The following SPOCK3 variants were observed in gnomAD, a reference collection of about 807,000 sequenced individuals.
SPOCK3 encodes the protein testican-3.
In SPOCK3, 30 loss-of-function variants were observed where a neutral mutation model predicts 56.6. The ratio of observed to expected loss-of-function variants is 0.53; its 90% CI spans 0.40 to 0.72. SPOCK3 has a LOEUF of 0.72. Ranked by LOEUF, SPOCK3 falls within the 30% of genes least tolerant of loss-of-function variation. The pLI is 0.00. For missense variants in SPOCK3, 527 were observed against 530.0 expected (o/e 0.99, Z 0.06); for synonymous variants, 196 against 183.3 (o/e 1.07, Z -0.56).
intron 6 of SPOCK3, among the ~76,000 whole-genome samples, chr4:166,826,960 C>A (rs960075363): frequency 1.3e-5 from 2 of 151,890 alleles, no homozygotes; most frequent in East Asian, 2.0e-4. Flanking sequence ...TAATTAGAGA[C>A]CTTCTTAAAA....
chr4:167,206,462 T>C (rs1734343983), intron 2 of SPOCK3, among the ~76,000 whole-genome samples: 1 of 152,056 alleles, frequency 6.6e-6, no homozygotes, highest in Non-Finnish European at 1.5e-5. Flanking sequence ...TCTTATTAAA[T>C]GACAGCTGAT....
chr4:167,217,861 G>T (rs753028245), intron 2 of SPOCK3, among the ~76,000 whole-genome samples: 1 of 151,072 alleles, frequency 6.6e-6, no homozygotes, highest in Non-Finnish European at 1.5e-5. Flanking sequence ...AATTACTATG[G>T]ATTTTTTATT....
At chr4:167,193,486 C>G (rs1732651512) in intron 2 of SPOCK3, among the ~76,000 whole-genome samples, 1 of 145,678 alleles carries the variant, frequency 6.9e-6, no homozygotes, top group Non-Finnish European at 1.5e-5. Flanking sequence ...AATAAATTAT[C>G]ATAGCTATAG....
At chr4:166,794,210 CAAAAAAAAAAAA>C (rs10710162) in intron 6 of SPOCK3, among the ~76,000 whole-genome samples, 1 of 73,612 alleles carries the variant, frequency 1.4e-5, no homozygotes, top group African/African-American at 5.4e-5. Flanking sequence ...GGTGATAAGG[CAAAAAAAAAAAA>C]AAAAAAAAAA....
At chr4:167,144,397 G>A (rs1286013394) in intron 2 of SPOCK3, among the ~76,000 whole-genome samples, 1 of 151,624 alleles carries the variant, frequency 6.6e-6, no homozygotes, top group Non-Finnish European at 1.5e-5. Flanking sequence ...ATAATTTCAA[G>A]TGCTTAATGT....
chr4:166,971,335 G>A (rs1029625391), intron 4 of SPOCK3, among the ~76,000 whole-genome samples: 2 of 152,066 alleles, frequency 1.3e-5, no homozygotes, highest in African/African-American at 4.8e-5. Context: ...GAGAACAGAG[G>A]TGCTTTTTTT....
intron 2 of SPOCK3, among the ~76,000 whole-genome samples, chr4:167,065,062 T>TAAAAAAAAAAAAAAAAAAA (rs74281519): frequency 1.6e-4 from 9 of 56,864 alleles, no homozygotes; most frequent in African/African-American, 4.9e-4. Flanking sequence ...AAAAAAAAAG[T>TAAAAAAAAAAAAAAAAAAA]CAAACGCAGC....
intron 4 of SPOCK3, among the ~76,000 whole-genome samples, chr4:166,974,880 T>G (rs955354466): frequency 6.6e-6 from 1 of 152,254 alleles, no homozygotes; most frequent in East Asian, 1.9e-4. Flanking sequence ...TAATCTCGAA[T>G]GTAACATTAT....
intron 2 of SPOCK3, among the ~76,000 whole-genome samples, chr4:167,171,814 T>C (rs1427115567): frequency 6.6e-6 from 1 of 152,016 alleles, no homozygotes. Flanking sequence ...CATCTATTTA[T>C]ATTCTCTTGT....
chr4:167,109,842 G>A (rs1760744722), intron 2 of SPOCK3, among the ~76,000 whole-genome samples: 1 of 151,524 alleles, frequency 6.6e-6, no homozygotes, highest in African/African-American at 2.4e-5. Flanking sequence ...AAACCAAATA[G>A]TATACTCCAT....
At chr4:166,789,697 T>TAATA (rs1741131595) in intron 7 of SPOCK3, among the ~76,000 whole-genome samples, 1 of 152,178 alleles carries the variant, frequency 6.6e-6, no homozygotes. Flanking sequence ...AATTCACTAC[T>TAATA]AATAAATAAA....
At chr4:167,048,943 A>T (rs1441391521) in intron 3 of SPOCK3, among the ~76,000 whole-genome samples, 1 of 152,188 alleles carries the variant, frequency 6.6e-6, no homozygotes, top group African/African-American at 2.4e-5. Context: ...GTTGAACCAT[A>T]AAAAGATAAT....
chr4:167,120,012 T>C (rs1761736636), intron 2 of SPOCK3: 2 of 567,240 alleles, frequency 3.5e-6, no homozygotes, highest in Non-Finnish European at 6.1e-6. Flanking sequence ...TAAAGCAGTG[T>C]ATCTCTTAAA....
intron 6 of SPOCK3, 141 bp from the exon 7 acceptor site, chr4:166,792,430 A>T (rs1741457620): frequency 1.4e-6 from 1 of 740,664 alleles, no homozygotes; most frequent in African/African-American, 1.8e-5. Context: ...TTTCAAAGTT[A>T]AATATATGCC....
intron 7 of SPOCK3, among the ~76,000 whole-genome samples, chr4:166,765,817 G>A (rs1737949718): frequency 6.6e-6 from 1 of 152,220 alleles, no homozygotes; most frequent in Admixed American, 6.5e-5. Context: ...TCCTATCCAT[G>A]AGCATGGAAT....
intron 3 of SPOCK3, among the ~76,000 whole-genome samples, chr4:167,058,307 G>A (rs1476621722): frequency 6.6e-6 from 1 of 152,056 alleles, no homozygotes; most frequent in African/African-American, 2.4e-5. Context: ...CAAAGTCTCA[G>A]GATACAAAAT....
intron 2 of SPOCK3, among the ~76,000 whole-genome samples, chr4:167,140,711 T>G (rs1763459139): frequency 6.6e-6 from 1 of 151,970 alleles, no homozygotes; most frequent in Non-Finnish European, 1.5e-5. Context: ...ACAGTGAAGC[T>G]CCACCCCTCA....
In SPOCK3 at chr4:166,819,418, A is replaced by G. The variant is rs76900777; in HGVS notation, c.590-27129T>C. Among the ~76,000 whole-genome samples the G allele has an allele frequency of 2.6e-3, 393 of 152,212 alleles. 10 individuals carry two copies. The East Asian group carries it at 0.059, about 23-fold the overall frequency. On this transcript the variant is annotated intron_variant, in intron 6 of 10. Transcript: ENST00000357545. Reference sequence around the variant, plus strand: ...AAACGTAAGGTATCAGGATTTAAAAAGGAGAAAGTAAAACAGTCCTCATTT... The same window carrying G: ...AAACGTAAGGTATCAGGATTTAAAAGGGAGAAAGTAAAACAGTCCTCATTT...
At chr4:167,112,014 C>A (rs937552402) in intron 2 of SPOCK3, among the ~76,000 whole-genome samples, 3 of 152,088 alleles carry the variant, frequency 2.0e-5, no homozygotes, top group Non-Finnish European at 4.4e-5. Flanking sequence ...CCTGCCCCAG[C>A]CTCCCAAAGT....
Sources: gnomAD v4.1 joint callset for allele counts (sites outside exome capture counted in the v4.1 genomes callset) on GRCh38, gnomAD v4.1.1 for gene constraint, MANE v1.5 for transcripts, NCBI Gene and HGNC (gene_info 2026-07-23, HGNC 2026-07-21) for gene names.